Variants in PIP4K2A observed in about 807,000 individuals in gnomAD.
PIP4K2A encodes the protein phosphatidylinositol-5-phosphate 4-kinase type 2 alpha.
In PIP4K2A, 14 loss-of-function variants were observed where a neutral mutation model predicts 42.9. That is an observed-to-expected ratio of 0.33 (90% CI 0.22 to 0.51). The LOEUF is 0.51. Ranked by LOEUF, PIP4K2A falls within the 20% of genes least tolerant of loss-of-function variation. The pLI is 0.97. For missense variants in PIP4K2A, 434 were observed against 519.8 expected, an observed-to-expected ratio of 0.83 and a Z score of 1.61; for synonymous variants, 192 against 192.2, an observed-to-expected ratio of 1.00 and a Z score of 0.01.
intron 4 of PIP4K2A, among the ~76,000 whole-genome samples, chr10:22,573,892 GA>G (rs1275993505): frequency 6.6e-6 from 1 of 152,244 alleles, no homozygotes; most frequent in African/African-American, 2.4e-5. Flanking sequence ...AAGTCGAGAT[GA>G]AAGAGGAAAT....
intron 1 of PIP4K2A, among the ~76,000 whole-genome samples, chr10:22,627,591 T>TTAAAAAAAA (rs1838469308): frequency 5.3e-5 from 3 of 56,994 alleles, no homozygotes; most frequent in Admixed American, 2.9e-4. Flanking sequence ...TAATATGTAA[T>TTAAAAAAAA]AAAAAAAAAA....
intron 7 of PIP4K2A, among the ~76,000 whole-genome samples, chr10:22,549,838 C>CAAAAAA (rs56349240): frequency 3.4e-4 from 24 of 70,128 alleles, no homozygotes; most frequent in Non-Finnish European, 3.1e-4. Flanking sequence ...GAATCCATCT[C>CAAAAAA]AAAAAAAAAA....
chr10:22,617,488 T>C (rs1838200775), intron 1 of PIP4K2A, among the ~76,000 whole-genome samples: 1 of 152,228 alleles, frequency 6.6e-6, no homozygotes, highest in Non-Finnish European at 1.5e-5. Flanking sequence ...TTCAGATATA[T>C]TCACCCTAAA....
chr10:22,585,403 G>C (rs1837369878), intron 4 of PIP4K2A, among the ~76,000 whole-genome samples: 1 of 152,118 alleles, frequency 6.6e-6, no homozygotes, highest in Non-Finnish European at 1.5e-5. Context: ...AGGAATTTAA[G>C]TCGTTTTTTA....
At chr10:22,690,352 C>T (rs1205954166) in intron 1 of PIP4K2A, among the ~76,000 whole-genome samples, 1 of 152,136 alleles carries the variant, frequency 6.6e-6, no homozygotes. Flanking sequence ...AACTCAGGCA[C>T]TATGCTACAC....
chr10:22,578,513 C>G (rs1355072621), intron 4 of PIP4K2A, among the ~76,000 whole-genome samples: 1 of 152,170 alleles, frequency 6.6e-6, no homozygotes, highest in Admixed American at 6.5e-5. Flanking sequence ...CCTGGCAGTC[C>G]TCCTACTCCG....
intron 1 of PIP4K2A, among the ~76,000 whole-genome samples, chr10:22,693,769 T>C (rs372643110): frequency 6.6e-6 from 1 of 152,066 alleles, no homozygotes; most frequent in African/African-American, 2.4e-5. Context: ...GAGCACTGTT[T>C]CTTTATTTTA....
chr10:22,663,170 T>G (rs1241864164), intron 1 of PIP4K2A, among the ~76,000 whole-genome samples: 2 of 152,258 alleles, frequency 1.3e-5, no homozygotes, highest in Non-Finnish European at 2.9e-5. Context: ...TAACTAGCTG[T>G]GTGATCTCAA....
At chr10:22,578,130 G>C (rs1462060458) in intron 4 of PIP4K2A, among the ~76,000 whole-genome samples, 7 of 152,304 alleles carry the variant, frequency 4.6e-5, no homozygotes, top group Admixed American at 4.6e-4. Context: ...TTCAATCTAA[G>C]TGATGGGTAT....
intron 4 of PIP4K2A, among the ~76,000 whole-genome samples, chr10:22,586,623 T>A (rs1322252943): frequency 6.6e-6 from 1 of 152,122 alleles, no homozygotes; most frequent in Non-Finnish European, 1.5e-5. Context: ...CTCCACCTCC[T>A]GGGTTCAAGC....
chr10:22,549,657 C>T (rs1246263844), intron 7 of PIP4K2A, among the ~76,000 whole-genome samples: 29 of 151,458 alleles, frequency 1.9e-4, no homozygotes, highest in Middle Eastern at 3.4e-3. Context: ...CTGGCTAACA[C>T]GGTGAAACCC....
In PIP4K2A at chr10:22,664,476, A is replaced by C. The variant is rs201325917; in HGVS notation, c.144+49707T>G. 2.6e-4 allele frequency among the ~76,000 whole-genome samples: 39 copies of C among 150,624 alleles called. No individual in the cohort carries two copies. The East Asian group carries it at 7.2e-3, about 28-fold the overall frequency. On this transcript the variant is annotated intron_variant, in intron 1 of 9. Transcript: ENST00000376573. The stretch of plus-strand genomic sequence containing the variant: ...ACAGAATTACTTTTTCTTGGTGATC[A>C]CACACAATAGTATGCCTTTATGCTT...
chr10:22,660,616 CTA>C (rs1839189040), intron 1 of PIP4K2A, among the ~76,000 whole-genome samples: 1 of 152,124 alleles, frequency 6.6e-6, no homozygotes, highest in African/African-American at 2.4e-5. Flanking sequence ...AAGCACAGCC[CTA>C]TCTCACTTTG....
intron 1 of PIP4K2A, among the ~76,000 whole-genome samples, chr10:22,642,560 G>A (rs1838801385): frequency 7.8e-6 from 1 of 128,726 alleles, no homozygotes; most frequent in Admixed American, 8.7e-5. Context: ...CAGATCATGT[G>A]TGTCTGTATG....
At chr10:22,683,062 A>AC (rs1839693551) in intron 1 of PIP4K2A, among the ~76,000 whole-genome samples, 1 of 123,462 alleles carries the variant, frequency 8.1e-6, no homozygotes, top group Non-Finnish European at 1.5e-5. Flanking sequence ...AGAAAAAGAA[A>AC]AACAACAACA....
chr10:22,536,205 G>T lies in PIP4K2A; in HGVS notation c.*996C>A. The T allele has an allele frequency of 2.5e-6, 1 of 398,084 alleles. No individual in the cohort carries two copies. Among genetic ancestry groups the T allele is most frequent in the South Asian group, 1.3e-4 (1 of 7,698 alleles). 24.7% of individuals were successfully genotyped at this position (398,084 alleles called of 1,614,324 possible). On this transcript the variant is annotated 3_prime_UTR_variant, in exon 10 of 10. Coordinates refer to ENST00000376573, the MANE Select transcript of PIP4K2A (RefSeq NM_005028.5). ...CATCTTATAATTCAGATCTGCATTT[G>T]GTAACAGGAGAATTGAGAGTTTTGA... is the stretch of plus-strand genomic sequence containing the variant.
rs955699682 is a variant in PIP4K2A at position 22,714,354 on chromosome 10, C to T, written c.-28G>A. 12 of 1,525,602 alleles carry T rather than the reference C, an allele frequency of 7.9e-6. No individual in the cohort carries two copies. The highest frequency in any genetic ancestry group is 1.1e-5 in the Non-Finnish European group (12 of 1,132,612). The allele number at this position is 1,525,602 out of a possible 1,614,324, so 94.5% of individuals were successfully genotyped here. ...CCGCCTCCTATGTCCCCTCCACCGC[C>T]GTGCTCCCGAGGCCGGGGACCCGCC... is the stretch of plus-strand genomic sequence containing the variant. On this transcript the variant is annotated 5_prime_UTR_variant, in exon 1 of 10. Transcript: ENST00000376573.
intron 1 of PIP4K2A, among the ~76,000 whole-genome samples, chr10:22,664,170 T>C (rs200898696): frequency 0.065 from 3,987 of 61,654 alleles, 282 homozygotes; most frequent in Non-Finnish European, 0.069. Context: ...TATATATACA[T>C]ATATATATAT....
chr10:22,573,909 G>A (rs10732435), intron 4 of PIP4K2A, among the ~76,000 whole-genome samples: 146,287 of 152,368 alleles, frequency 0.96, 70,280 homozygotes, highest in East Asian at 1. Context: ...GAAATTGTGG[G>A]GAGCCCAGTG....
Sources: gnomAD v4.1 joint callset for allele counts (sites outside exome capture counted in the v4.1 genomes callset) on GRCh38, gnomAD v4.1.1 for gene constraint, MANE v1.5 for transcripts, NCBI Gene and HGNC (gene_info 2026-07-23, HGNC 2026-07-21) for gene names.